The following BMPR1A variants were observed in gnomAD, a reference collection of about 807,000 sequenced individuals.
The protein encoded by BMPR1A is bone morphogenetic protein receptor type-1A.
A neutral mutation model predicts 66.0 loss-of-function variants in BMPR1A; 7 were observed. The ratio of observed to expected loss-of-function variants is 0.11; its 90% CI spans 0.06 to 0.20. The LOEUF (loss-of-function observed/expected upper bound fraction) is 0.20. BMPR1A is among the 10% of genes least tolerant of loss of function. The probability of loss-of-function intolerance (pLI) is 1.00; values close to 1 mark genes in which losing one functional copy is unlikely to be tolerated. For missense variants in BMPR1A, 408 were observed against 669.1 expected (o/e 0.61, Z 4.31); for synonymous variants, 200 against 229.7 (o/e 0.87, Z 1.17).
intron 7 of BMPR1A, among the ~76,000 whole-genome samples, chr10:86,900,955 AC>A (rs1843299912): frequency 6.6e-6 from 1 of 152,208 alleles, no homozygotes; most frequent in African/African-American, 2.4e-5. Context: ...CTCCCATAAC[AC>A]ATCAGGGCTG....
At chr10:86,883,220 A>T (rs566288827) in intron 3 of BMPR1A, among the ~76,000 whole-genome samples, 1 of 151,828 alleles carries the variant, frequency 6.6e-6, no homozygotes, top group East Asian at 1.9e-4. Flanking sequence ...TGGGCACGTT[A>T]GCTCATGCCT....
chr10:86,923,749 A>G lies in BMPR1A; in HGVS notation c.*30A>G, dbSNP rs370244873. 2 of 1,611,290 alleles carry G rather than the reference A, an allele frequency of 1.2e-6. No homozygotes were observed. Among genetic ancestry groups the G allele is most frequent in the African/African-American group, 2.7e-5 (2 of 74,788 alleles). On this transcript the variant is annotated 3_prime_UTR_variant, in exon 13 of 13. Transcript: ENST00000372037. ...TAAACCATCGGAGGAGAAACTCTAG[A>G]CTGCAAGAACTGTTTTTACCCATGG... is the stretch of plus-strand genomic sequence containing the variant.
At chr10:86,804,037 GT>G (rs1261768085) in intron 1 of BMPR1A, among the ~76,000 whole-genome samples, 2 of 152,154 alleles carry the variant, frequency 1.3e-5, no homozygotes, top group African/African-American at 4.8e-5. Context: ...TTTCTAACCA[GT>G]TTTGTTAATA....
At chr10:86,874,878 C>A (rs939457079) in intron 2 of BMPR1A, among the ~76,000 whole-genome samples, 4 of 151,414 alleles carry the variant, frequency 2.6e-5, no homozygotes, top group Non-Finnish European at 5.9e-5. Context: ...GCACCCACCA[C>A]CATGCCTGGC....
At chr10:86,888,404 G>T (rs1843099643) in intron 3 of BMPR1A, among the ~76,000 whole-genome samples, 1 of 152,122 alleles carries the variant, frequency 6.6e-6, no homozygotes, top group East Asian at 1.9e-4. Context: ...GGAGGCGGAG[G>T]TTGCAGTGAG....
chr10:86,846,455 A>T (rs1234802405), intron 2 of BMPR1A, among the ~76,000 whole-genome samples: 3 of 152,100 alleles, frequency 2.0e-5, no homozygotes, highest in Non-Finnish European at 4.4e-5. Context: ...TAAGATAAAG[A>T]TTGGCACTTT....
At chr10:86,833,643 T>C (rs896760250) in intron 1 of BMPR1A, among the ~76,000 whole-genome samples, 1 of 152,198 alleles carries the variant, frequency 6.6e-6, no homozygotes, top group African/African-American at 2.4e-5. Context: ...ATGGCTTTTA[T>C]ATTGATCTTA....
chr10:86,757,172 T>C (rs1336790950), intron 1 of BMPR1A, among the ~76,000 whole-genome samples: 3 of 151,994 alleles, frequency 2.0e-5, no homozygotes, highest in African/African-American at 2.4e-5. Context: ...AGGCCGAGTT[T>C]GGGGATGCGG....
intron 3 of BMPR1A, among the ~76,000 whole-genome samples, chr10:86,886,000 T>G (rs1253932910): frequency 6.6e-6 from 1 of 152,226 alleles, no homozygotes; most frequent in Non-Finnish European, 1.5e-5. Context: ...TCTCTTTGTA[T>G]GTATATGTTT....
At position 86,890,113 on chromosome 10, in the gene BMPR1A, A is replaced by G. The variant is rs1060503403; in HGVS notation, c.119A>G (p.Asp40Gly). ...LHGTGMKSDS[D>G]QKKSENGVTL... ...GGCACTGGGATGAAATCAGACTCCGACCAGAAAAAGTCAGAAAATGGAGTA... is the reference window on the plus strand; with the variant it reads ...GGCACTGGGATGAAATCAGACTCCGGCCAGAAAAAGTCAGAAAATGGAGTA... The change falls in exon 4 of 13, where the codon GAC becomes GGC. Residue 40 changes from aspartate (D) to glycine (G), a missense_variant. This residue lies in a region of BMPR1A where 68 missense variants were observed against 83.0 expected (regional missense o/e 0.82). Coordinates refer to ENST00000372037, the MANE Select transcript of BMPR1A (RefSeq NM_004329.3). 2 of 1,613,998 alleles carry G rather than the reference A, an allele frequency of 1.2e-6. No individual in the cohort carries two copies. Among genetic ancestry groups the G allele is most frequent in the Non-Finnish European group, 1.7e-6 (2 of 1,180,012 alleles).
At chr10:86,855,373 A>G (rs1027236860) in intron 2 of BMPR1A, 1 of 864,052 alleles carries the variant, frequency 1.2e-6, no homozygotes, top group Non-Finnish European at 1.8e-6. Context: ...TGAACTAGAC[A>G]CTGACTTAGA....
chr10:86,833,711 A>T (rs1278137561), intron 1 of BMPR1A, among the ~76,000 whole-genome samples: 1 of 152,190 alleles, frequency 6.6e-6, no homozygotes, highest in Non-Finnish European at 1.5e-5. Context: ...ACATGTATCT[A>T]GTTCAAAAGA....
At chr10:86,810,697 G>A (rs1033191489) in intron 1 of BMPR1A, among the ~76,000 whole-genome samples, 1 of 152,160 alleles carries the variant, frequency 6.6e-6, no homozygotes, top group Non-Finnish European at 1.5e-5. Flanking sequence ...TTGCTCATAT[G>A]CATATGTTCT....
rs863224719 is a variant in BMPR1A, at chr10:86,876,040, A to G, written c.22A>G (p.Ile8Val). ...AACAATGCCTCAGCTATACATTTAC[A>G]TCAGATTATTGGGAGCCTATTTGTT... MPQLYIY[I>V]RLLGAYLFII... The change falls in exon 3 of 13, where the codon ATC (isoleucine) becomes GTC (valine). Residue 8 changes from isoleucine (I) to valine (V), a missense_variant. Physicochemically the swap from Ile to Val is conservative, Grantham distance 29. This residue lies in a region of BMPR1A where 68 missense variants were observed against 83.0 expected (regional missense o/e 0.82). Coordinates refer to ENST00000372037, the MANE Select transcript of BMPR1A (RefSeq NM_004329.3). 6.8e-5 allele frequency: 110 copies of G among 1,611,386 alleles called. No homozygotes were observed. Among genetic ancestry groups the G allele is most frequent in the Non-Finnish European group, 9.3e-5 (109 of 1,177,942 alleles).
chr10:86,894,371 AT>A (rs538955563), intron 5 of BMPR1A, among the ~76,000 whole-genome samples: 4 of 152,212 alleles, frequency 2.6e-5, no homozygotes, highest in Non-Finnish European at 5.9e-5. Context: ...GTCTTTATGA[AT>A]TTTATCGTAT....
At chr10:86,823,904 G>C (rs758763552) in intron 1 of BMPR1A, among the ~76,000 whole-genome samples, 14 of 152,148 alleles carry the variant, frequency 9.2e-5, no homozygotes, top group Non-Finnish European at 1.5e-4. Context: ...AGTGCTCTTC[G>C]GTTAATCATC....
intron 1 of BMPR1A, among the ~76,000 whole-genome samples, chr10:86,820,785 T>G (rs1366791128): frequency 7.2e-5 from 11 of 152,224 alleles, no homozygotes; most frequent in Non-Finnish European, 1.5e-5. Context: ...CTACCACTTC[T>G]CTGGAATCAG....
At chr10:86,857,048 C>T (rs1335789473) in intron 2 of BMPR1A, among the ~76,000 whole-genome samples, 1 of 152,174 alleles carries the variant, frequency 6.6e-6, no homozygotes, top group Non-Finnish European at 1.5e-5. Context: ...AGTATGCTCA[C>T]CAATGAGGAA....
chr10:86,904,569 C>T (rs1202256257), intron 7 of BMPR1A, among the ~76,000 whole-genome samples: 1 of 152,142 alleles, frequency 6.6e-6, no homozygotes, highest in Non-Finnish European at 1.5e-5. Flanking sequence ...GAACCCCGCC[C>T]CCTTAGACCT....
Sources: allele counts gnomAD v4.1 joint callset (sites outside exome capture counted in the v4.1 genomes callset), GRCh38; gene constraint gnomAD v4.1.1; regional missense constraint gnomAD v4.1.1; transcripts MANE v1.5; gene names NCBI Gene and HGNC (gene_info 2026-07-23, HGNC 2026-07-21).